Variants in RUNX3 observed in about 807,000 individuals in gnomAD.
The protein encoded by RUNX3 is runt-related transcription factor 3.
RUNX3 carries 10 observed loss-of-function variants against 27.7 expected under a neutral mutation model. The observed-to-expected ratio is 0.36, with a 90% CI of 0.22 to 0.61. The LOEUF (loss-of-function observed/expected upper bound fraction) is 0.61, where lower values mean the gene tolerates loss of function less well. Ranked by LOEUF, RUNX3 falls within the 20% of genes least tolerant of loss-of-function variation. The pLI, the probability that RUNX3 is intolerant of heterozygous loss-of-function variation, is 0.72. For missense variants in RUNX3, 469 were observed against 629.5 expected (o/e 0.75, Z 2.73); for synonymous variants, 270 against 269.2 (o/e 1.00, Z -0.03).
chr1:24,927,803 G>GGGGCT lies in RUNX3; in HGVS notation c.283-78_283-74dup, dbSNP rs1641129002. The GGGGCT allele has an allele frequency of 1.4e-6, 2 of 1,385,358 alleles. No individual in the cohort carries two copies. The highest frequency in any genetic ancestry group is 1.2e-5 in the South Asian group (1 of 85,564). 85.8% of individuals were successfully genotyped at this position (1,385,358 alleles called of 1,614,324 possible). A position where few individuals can be genotyped will look rare whatever the true frequency, so the allele number is the denominator to read the frequency against. ...GAGGGTGACCAGGGAAAGGAGGGGA[G>GGGGCT]GGGCTGGGCTGGGCAGCTCCCCCAG... On this transcript the variant is annotated intron_variant, in intron 1 of 4. Coordinates refer to ENST00000308873, the MANE Select transcript of RUNX3 (RefSeq NM_004350.3). The surrounding 1 kb of genome is among the most constrained non-coding windows in gnomAD (Gnocchi z 5.0).
At chr1:24,924,721 TA>T (rs1231042612) in intron 2 of RUNX3, among the ~76,000 whole-genome samples, 3 of 152,212 alleles carry the variant, frequency 2.0e-5, no homozygotes, top group Non-Finnish European at 4.4e-5. Flanking sequence ...CCATCATAGC[TA>T]TGGAATAACA....
At position 24,899,835 on chromosome 1, in the gene RUNX3, G is replaced by A. The variant is rs1224960468; in HGVS notation, c.*2287C>T. On this transcript the variant is annotated 3_prime_UTR_variant, in exon 5 of 5. Coordinates refer to ENST00000308873, the MANE Select transcript of RUNX3 (RefSeq NM_004350.3). Reference sequence around the variant, plus strand: ...TCGTGCTTCCTACATCAGTGTGTTTGCCTAGTACAACTTTAACGCAGCCTT... The same window carrying A: ...TCGTGCTTCCTACATCAGTGTGTTTACCTAGTACAACTTTAACGCAGCCTT... The A allele has an allele frequency of 6.6e-6, 1 of 152,420 alleles. No individual in the cohort carries two copies. Among genetic ancestry groups the A allele is most frequent in the Admixed American group, 6.5e-5 (1 of 15,282 alleles). The allele number at this position is 152,420 out of a possible 1,614,324, so 9.4% of individuals were successfully genotyped here. A position where few individuals can be genotyped will look rare whatever the true frequency, so the allele number is the denominator to read the frequency against.
chr1:24,942,174 AG>A lies in RUNX3; in HGVS notation c.59-12323del, dbSNP rs150569080. On this transcript the variant is annotated intron_variant, in intron 2 of 6. Coordinates refer to the RUNX3 transcript ENST00000338888. The stretch of plus-strand genomic sequence containing the variant: ...CCCTTAGCAGCTCTGAGCTTAGATG[AG>A]GGGGGGAGATGAGATGGAAAGGAAA... 6.6e-3 allele frequency among the ~76,000 whole-genome samples: 1,000 copies of A among 152,082 alleles called. 8 individuals are homozygous for A. The highest frequency in any genetic ancestry group is 0.023 in the African/African-American group (954 of 41,478).
chr1:24,902,021 G>T lies in RUNX3; in HGVS notation c.*101C>A. The T allele has an allele frequency of 8.7e-7, 1 of 1,145,436 alleles. No individual in the cohort carries two copies. The highest frequency in any genetic ancestry group is 1.2e-6 in the Non-Finnish European group (1 of 833,086). 71.0% of individuals were successfully genotyped at this position (1,145,436 alleles called of 1,614,324 possible). A position where few individuals can be genotyped will look rare whatever the true frequency, so the allele number is the denominator to read the frequency against. On this transcript the variant is annotated 3_prime_UTR_variant, in exon 5 of 5. Transcript: ENST00000308873. The surrounding 1 kb of genome is among the most constrained non-coding windows in gnomAD (Gnocchi z 9.2). ...ACCCTGGGACCGAGACCACCCTGGA[G>T]CGCAGGTCCCATTCCCGCCCGGAGC... is the stretch of plus-strand genomic sequence containing the variant.
In RUNX3 at chr1:24,927,040, C is replaced by A. The variant is rs1571322634; in HGVS notation, c.439+534G>T. Among the ~76,000 whole-genome samples, 3 of 152,112 alleles carry A rather than the reference C, an allele frequency of 2.0e-5. No individual in the cohort carries two copies. The East Asian group carries it at 5.8e-4, about 29-fold the overall frequency. Reference sequence around the variant, plus strand: ...GCAGCCTTCGAGCTGTGCTTTCCAACATTCAGCTGCGTTAGCTTCCGTTCT... The same window carrying A: ...GCAGCCTTCGAGCTGTGCTTTCCAAAATTCAGCTGCGTTAGCTTCCGTTCT... On this transcript the variant is annotated intron_variant, in intron 2 of 4. Transcript: ENST00000308873. This position sits in a 1 kb window ranked among gnomAD's most constrained non-coding sequence, Gnocchi z 5.0.
In RUNX3 at chr1:24,962,994, C is replaced by A. The variant is rs185330926; in HGVS notation, c.58+1520G>T. ...CCACAGAACTGCCTTTAATTAGCTC[C>A]GAGGACTACAAAGGGAACAACGTTA... On this transcript the variant is annotated intron_variant, in intron 2 of 6. Coordinates refer to the RUNX3 transcript ENST00000338888. This position sits in a 1 kb window ranked among gnomAD's most constrained non-coding sequence, Gnocchi z 4.5. 6.6e-6 allele frequency: 1 copy of A among 152,170 alleles called. No homozygotes were observed. The highest frequency in any genetic ancestry group is 1.5e-5 in the Non-Finnish European group (1 of 68,036). The allele number at this position is 152,170 out of a possible 1,614,324, so 9.4% of individuals were successfully genotyped here. A position where few individuals can be genotyped will look rare whatever the true frequency, so the allele number is the denominator to read the frequency against.
chr1:24,947,375 G>A lies in RUNX3; in HGVS notation c.58+17139C>T, dbSNP rs543496271. Among the ~76,000 whole-genome samples the A allele has an allele frequency of 7.9e-5, 12 of 152,304 alleles. No homozygotes were observed. In the South Asian group the frequency reaches 1.2e-3, roughly 16 times the overall value. The stretch of plus-strand genomic sequence containing the variant: ...GTGCCCTGGGCAGCTCACCCTCTCC[G>A]TCTGTGAAATGGGAGAGCAGGGAGT... On this transcript the variant is annotated intron_variant, in intron 2 of 6. Transcript: ENST00000338888.
intron 2 of RUNX3, among the ~76,000 whole-genome samples, chr1:24,960,668 G>GA (rs1642085774): frequency 6.6e-6 from 1 of 152,078 alleles, no homozygotes; most frequent in African/African-American, 2.4e-5. Context: ...GACCTGGTGT[G>GA]AGGGGGGGGT....
intron 2 of RUNX3, among the ~76,000 whole-genome samples, chr1:24,948,139 C>T (rs554445996): frequency 3.3e-5 from 5 of 152,300 alleles, no homozygotes; most frequent in South Asian, 2.1e-4. Context: ...GACAGGAGCT[C>T]GTGGCAGGTG....
chr1:24,914,530 G>A (rs1156239568), intron 3 of RUNX3, among the ~76,000 whole-genome samples: 1 of 152,136 alleles, frequency 6.6e-6, no homozygotes, highest in African/African-American at 2.4e-5. Flanking sequence ...GCAGGGAAAC[G>A]GGCTGGCCGG....
At chr1:24,925,959 T>C (rs1185408456) in intron 2 of RUNX3, among the ~76,000 whole-genome samples, 2 of 152,230 alleles carry the variant, frequency 1.3e-5, no homozygotes, top group African/African-American at 2.4e-5. Context: ...ATTCTCAGTG[T>C]GCAGAATGGC....
upstream of RUNX3, among the ~76,000 whole-genome samples, chr1:24,933,797 G>A (rs1390216847): frequency 1.3e-5 from 2 of 152,210 alleles, no homozygotes; most frequent in African/African-American, 2.4e-5. Context: ...CAGGGACCCC[G>A]TTTCCTTCCC....
intron 2 of RUNX3, among the ~76,000 whole-genome samples, chr1:24,956,065 C>A (rs1295515103): frequency 2.0e-5 from 3 of 152,262 alleles, no homozygotes; most frequent in African/African-American, 7.2e-5. Context: ...TGGCTCTGCG[C>A]AGCCCGGGGC....
intron 2 of RUNX3, among the ~76,000 whole-genome samples, chr1:24,955,926 C>T (rs1016043820): frequency 6.6e-6 from 1 of 152,254 alleles, no homozygotes; most frequent in Non-Finnish European, 1.5e-5. Flanking sequence ...AATGAATCAG[C>T]AGCAACCAAT....
At chr1:24,954,539 T>C (rs372908677) in intron 2 of RUNX3, among the ~76,000 whole-genome samples, 3 of 152,188 alleles carry the variant, frequency 2.0e-5, no homozygotes, top group African/African-American at 7.2e-5. Context: ...CTGTGGTCGC[T>C]GTCCTGAAAT....
chr1:24,957,233 C>T (rs1335519256), intron 2 of RUNX3, among the ~76,000 whole-genome samples: 2 of 152,318 alleles, frequency 1.3e-5, no homozygotes, highest in African/African-American at 4.8e-5. Context: ...TGCTCAGGCT[C>T]GCGCCAACAA....
intron 2 of RUNX3, among the ~76,000 whole-genome samples, chr1:24,960,238 T>A (rs186895535): frequency 7.2e-5 from 11 of 152,354 alleles, no homozygotes; most frequent in Non-Finnish European, 1.2e-4. Flanking sequence ...ATGCTCATGG[T>A]GTTCATCAAA....
rs1641048265 is a variant in RUNX3 at position 24,923,958 on chromosome 1, G to A, written c.439+3616C>T. ...TGGCGTGTGGTCAACATAGTGTTGG[G>A]GTGGCACTGCCAGCGTTAGGGGTGG... On this transcript the variant is annotated intron_variant, in intron 2 of 4. Transcript: ENST00000308873. This position sits in a 1 kb window ranked among gnomAD's most constrained non-coding sequence, Gnocchi z 5.9. Among the ~76,000 whole-genome samples the A allele has an allele frequency of 2.6e-5, 4 of 152,166 alleles. No individual in the cohort carries two copies. The South Asian group carries it at 8.3e-4, about 31-fold the overall frequency.
chr1:24,919,408 C>A, intron 2 of RUNX3, 64 bp from the exon 3 acceptor site: 2 of 1,068,920 alleles, frequency 1.9e-6, no homozygotes, highest in East Asian at 2.5e-5. Context: ...ACCCTGCTCT[C>A]CCACCTGTAT....
Sources: gnomAD v4.1 joint callset for allele counts (sites outside exome capture counted in the v4.1 genomes callset) on GRCh38, gnomAD v4.1.1 for gene constraint, Gnocchi (gnomAD v3.1) non-coding constraint, MANE v1.5 for transcripts, NCBI Gene and HGNC (gene_info 2026-07-23, HGNC 2026-07-21) for gene names.